Variants in ANAPC10 observed in about 807,000 individuals in gnomAD.
ANAPC10 encodes the protein anaphase promoting complex subunit 10, also known as anaphase-promoting complex subunit 10.
A neutral mutation model predicts 22.0 loss-of-function variants in ANAPC10; 12 were observed. The observed-to-expected ratio is 0.55, with a 90% CI of 0.35 to 0.88. The LOEUF is 0.88. Ranked by LOEUF, ANAPC10 falls within the 40% of genes least tolerant of loss-of-function variation. ANAPC10 has a pLI of 0.01. For synonymous variants in ANAPC10, 65 were observed against 69.5 expected, an observed-to-expected ratio of 0.94 and a Z score of 0.32; for missense variants, 188 against 220.9, an observed-to-expected ratio of 0.85 and a Z score of 0.94.
intron 4 of ANAPC10, among the ~76,000 whole-genome samples, chr4:144,998,956 T>TA (rs1311421469): frequency 6.6e-6 from 1 of 151,908 alleles, no homozygotes; most frequent in Non-Finnish European, 1.5e-5. Context: ...CCAACAGAAA[T>TA]ACAAACTACC....
intron 4 of ANAPC10, among the ~76,000 whole-genome samples, chr4:145,031,362 G>A (rs989650595): frequency 3.0e-4 from 45 of 152,288 alleles, no homozygotes; most frequent in Admixed American, 2.4e-3. Flanking sequence ...TTCCGGGACC[G>A]TCGACCTCAG....
chr4:145,090,865 G>A (rs1274814620), intron 2 of ANAPC10, among the ~76,000 whole-genome samples: 2 of 152,152 alleles, frequency 1.3e-5, no homozygotes, highest in Non-Finnish European at 2.9e-5. Flanking sequence ...TGACAGTAAA[G>A]ATTGTGTCTT....
At chr4:145,027,192 T>C (rs2127029568) in intron 4 of ANAPC10, among the ~76,000 whole-genome samples, 1 of 149,204 alleles carries the variant, frequency 6.7e-6, no homozygotes, top group South Asian at 2.1e-4. Flanking sequence ...TTAGTAGAGA[T>C]GGGATTTTGC....
chr4:144,995,518 T>A lies in ANAPC10; in HGVS notation c.413A>T (p.Gln138Leu), dbSNP rs778322204. The change falls in exon 5 of 5, where the codon CAG becomes CTG. Residue 138 changes from glutamine (Q) to leucine (L), a missense_variant. Gln to Leu is a moderately radical substitution (Grantham distance 113). Transcript: ENST00000507656. ...CTGGTGATTGGCTAGAACAGCAATC[T>A]GTATCATGAATGTACGAGTTGGCTT... ...HKKPTRTFMI[Q>L]IAVLANHQNG... is the part of the protein sequence containing the mutation. The A allele has an allele frequency of 6.2e-7, 1 of 1,613,940 alleles. No homozygotes were observed. Among genetic ancestry groups the A allele is most frequent in the Non-Finnish European group, 8.5e-7 (1 of 1,179,890 alleles).
chr4:145,019,819 T>C (rs1735719043), intron 4 of ANAPC10, among the ~76,000 whole-genome samples: 1 of 152,116 alleles, frequency 6.6e-6, no homozygotes, highest in South Asian at 2.1e-4. Context: ...TTTATGGGCA[T>C]AAACTTGAAA....
chr4:145,049,658 G>C (rs141692996), intron 4 of ANAPC10, among the ~76,000 whole-genome samples: 2,176 of 152,008 alleles, frequency 0.014, 54 homozygotes, highest in African/African-American at 0.05. Flanking sequence ...TGGCTCACTG[G>C]AACCGCCGCC....
rs559392230 is a variant in ANAPC10 at position 145,081,912 on chromosome 4, G to A, written c.116-162C>T. Among the ~76,000 whole-genome samples the A allele has an allele frequency of 3.9e-5, 6 of 152,176 alleles. No homozygotes were observed. The East Asian group carries it at 1.2e-3, about 29-fold the overall frequency. On this transcript the variant is annotated intron_variant, in intron 2 of 4. Transcript: ENST00000507656. ...TTTTTTGTAGACAGGGTCTTGCTGT[G>A]TTGCCCAGGCTGGCCTCGAACTCCC...
chr4:145,022,837 T>C (rs1428528497), intron 4 of ANAPC10, among the ~76,000 whole-genome samples: 1 of 151,782 alleles, frequency 6.6e-6, no homozygotes, highest in Non-Finnish European at 1.5e-5. Flanking sequence ...CTTTTTTTTA[T>C]ATTTTAGGAT....
At chr4:145,091,156 C>G (rs1045723020) in intron 2 of ANAPC10, among the ~76,000 whole-genome samples, 1 of 152,166 alleles carries the variant, frequency 6.6e-6, no homozygotes, top group African/African-American at 2.4e-5. Context: ...TTAAGTGATC[C>G]TGCCACTCCT....
chr4:145,016,435 GGA>G (rs1735152548), intron 4 of ANAPC10, among the ~76,000 whole-genome samples: 2 of 152,118 alleles, frequency 1.3e-5, no homozygotes, highest in African/African-American at 4.8e-5. Flanking sequence ...ACCTCTTCAA[GGA>G]GAACTACAAA....
At chr4:145,063,440 T>C (rs1176851180) in intron 4 of ANAPC10, among the ~76,000 whole-genome samples, 2 of 147,950 alleles carry the variant, frequency 1.4e-5, no homozygotes, top group African/African-American at 5.0e-5. Flanking sequence ...ATGTGATTTC[T>C]ATTAAGTATT....
intron 3 of ANAPC10, among the ~76,000 whole-genome samples, chr4:145,079,379 C>T (rs545677460): frequency 1.3e-5 from 2 of 152,026 alleles, no homozygotes; most frequent in Non-Finnish European, 2.9e-5. Flanking sequence ...AAAAAAATAA[C>T]AGATGCTGGT....
intron 4 of ANAPC10, among the ~76,000 whole-genome samples, chr4:145,027,379 A>G (rs1736918964): frequency 6.6e-6 from 1 of 152,052 alleles, no homozygotes; most frequent in Non-Finnish European, 1.5e-5. Context: ...TGAGAAAATT[A>G]GGGGTCTAAT....
At chr4:145,056,587 T>C (rs573339736) in intron 4 of ANAPC10, among the ~76,000 whole-genome samples, 1 of 152,176 alleles carries the variant, frequency 6.6e-6, no homozygotes, top group African/African-American at 2.4e-5. Flanking sequence ...CCTTGTAACA[T>C]CTTTCTGGCG....
Position 145,082,463 on chromosome 4 carries a change from G to T in ANAPC10, c.116-713C>A, listed in dbSNP as rs183113970. On this transcript the variant is annotated intron_variant, in intron 2 of 4. Coordinates refer to ENST00000507656, the MANE Select transcript of ANAPC10 (RefSeq NM_001256706.2). ...CACGCCCAGCCGGATACATTTTAAA[G>T]AACGTATGTATTTAAACTCAGTTTC... Among the ~76,000 whole-genome samples, 4 of 152,284 alleles carry T rather than the reference G, an allele frequency of 2.6e-5. No individual in the cohort carries two copies. In the East Asian group the frequency reaches 7.7e-4, roughly 29 times the overall value.
intron 4 of ANAPC10, among the ~76,000 whole-genome samples, chr4:145,037,046 G>GTGCA (rs1486986640): frequency 1.3e-5 from 2 of 149,226 alleles, no homozygotes; most frequent in Non-Finnish European, 3.0e-5. Flanking sequence ...GTGTATGTGT[G>GTGCA]TGCATGCATG....
At chr4:145,084,543 A>G (rs1746578589) in intron 2 of ANAPC10, among the ~76,000 whole-genome samples, 1 of 152,122 alleles carries the variant, frequency 6.6e-6, no homozygotes, top group African/African-American at 2.4e-5. Flanking sequence ...CTTGGGCCAC[A>G]CATAAAATAC....
intron 4 of ANAPC10, among the ~76,000 whole-genome samples, chr4:144,997,562 C>CA (rs1201866253): frequency 6.6e-6 from 1 of 152,160 alleles, no homozygotes; most frequent in Admixed American, 6.6e-5. Flanking sequence ...GCCTGCCTTA[C>CA]AAGAGTTCCT....
chr4:145,060,034 C>A (rs1742657104), intron 4 of ANAPC10, among the ~76,000 whole-genome samples: 1 of 152,008 alleles, frequency 6.6e-6, no homozygotes, highest in Admixed American at 6.6e-5. Flanking sequence ...ATGAAGCATT[C>A]TGCAAAGAAA....
Sources: gnomAD v4.1 joint callset for allele counts (sites outside exome capture counted in the v4.1 genomes callset) on GRCh38, gnomAD v4.1.1 for gene constraint, MANE v1.5 for transcripts, NCBI Gene and HGNC (gene_info 2026-07-23, HGNC 2026-07-21) for gene names.